Variants in KIF13B observed in about 807,000 individuals in gnomAD.
The protein encoded by KIF13B is kinesin-like protein KIF13B.
KIF13B carries 127 observed loss-of-function variants against 222.0 expected under a neutral mutation model. That is an observed-to-expected ratio of 0.57 (90% CI 0.50 to 0.66). KIF13B has a LOEUF of 0.66. KIF13B is among the 30% of genes least tolerant of loss of function. The pLI is 0.00. For synonymous variants in KIF13B, 976 were observed against 919.0 expected (o/e 1.06, Z -1.12); for missense variants, 2,173 against 2,379.0 (o/e 0.91, Z 1.80).
intron 23 of KIF13B, 32 bp downstream of exon 23, chr8:29,132,276 T>A: frequency 7.2e-7 from 1 of 1,389,774 alleles, no homozygotes; most frequent in Non-Finnish European, 9.4e-7. Flanking sequence ...TACATATATA[T>A]AAATGGAATC....
rs544083319 is a variant in KIF13B at position 29,081,737 on chromosome 8, C to T, written c.4459-6394G>A. On this transcript the variant is annotated intron_variant, in intron 37 of 39. Transcript: ENST00000524189. ...GTGGCTACTAGGAAATTGTAACTTGCATACATGGCTCGCATTATGTATCTA... is the reference window on the plus strand; with the variant it reads ...GTGGCTACTAGGAAATTGTAACTTGTATACATGGCTCGCATTATGTATCTA... Among the ~76,000 whole-genome samples the T allele has an allele frequency of 9.8e-5, 15 of 152,326 alleles. No homozygotes were observed. The South Asian group carries it at 2.5e-3, about 25-fold the overall frequency.
chr8:29,128,271 G>A (rs1276903048), intron 24 of KIF13B, among the ~76,000 whole-genome samples: 1 of 151,972 alleles, frequency 6.6e-6, no homozygotes, highest in Non-Finnish European at 1.5e-5. Flanking sequence ...CCAAATTACT[G>A]ACTTCAAACT....
chr8:29,122,625 C>A lies in KIF13B; in HGVS notation c.3501G>T (p.Glu1167Asp), dbSNP rs1160099694. 1.9e-6 allele frequency: 3 copies of A among 1,609,828 alleles called. No homozygotes were observed. The highest frequency in any genetic ancestry group is 2.5e-6 in the Non-Finnish European group (3 of 1,178,010). The change falls in exon 29 of 40, where the codon GAG becomes GAT. Residue 1167 changes from glutamate (E) to aspartate (D), a missense_variant. Physicochemically the swap from Glu to Asp is conservative, Grantham distance 45. Transcript: ENST00000524189. ...PAEWTPVPGM[E>D]THIPVIFLDL... ...CCAGGAATATAACAGGAATGTGTGT[C>A]TCCATCCCAGGTACTGGGGTCCTAA...
intron 12 of KIF13B, among the ~76,000 whole-genome samples, chr8:29,161,216 A>G (rs933633404): frequency 2.0e-5 from 3 of 152,186 alleles, no homozygotes; most frequent in Non-Finnish European, 2.9e-5. Context: ...GATCCTTCTT[A>G]AAAGCAAAGG....
chr8:29,156,558 A>C (rs546212020), intron 13 of KIF13B, among the ~76,000 whole-genome samples: 32 of 151,908 alleles, frequency 2.1e-4, no homozygotes, highest in Non-Finnish European at 4.1e-4. Flanking sequence ...TCTGTCACCC[A>C]GGCTGGAGTG....
chr8:29,080,233 G>A (rs916761181), intron 37 of KIF13B, among the ~76,000 whole-genome samples: 7 of 149,504 alleles, frequency 4.7e-5, no homozygotes, highest in African/African-American at 7.4e-5. Flanking sequence ...AACTACTTGG[G>A]AGCTGAGAAT....
intron 15 of KIF13B, among the ~76,000 whole-genome samples, chr8:29,149,244 T>C (rs1371472233): frequency 1.3e-5 from 2 of 152,210 alleles, no homozygotes; most frequent in African/African-American, 2.4e-5. Context: ...GATGAGGGTT[T>C]TGAACACAAA....
chr8:29,131,589 T>A (rs1810347333), intron 23 of KIF13B, among the ~76,000 whole-genome samples: 1 of 152,226 alleles, frequency 6.6e-6, no homozygotes, highest in Non-Finnish European at 1.5e-5. Flanking sequence ...AGTCAATCCC[T>A]TTTAATGCTT....
intron 12 of KIF13B, among the ~76,000 whole-genome samples, chr8:29,164,587 CA>C (rs1204181395): frequency 1.3e-5 from 2 of 152,116 alleles, no homozygotes; most frequent in Non-Finnish European, 2.9e-5. Context: ...CTCTTAGCTA[CA>C]AAAGAACAAA....
rs375083058 is a variant in KIF13B at position 29,070,468 on chromosome 8, G to A, written c.*36C>T. ...TCACTGGCAGGGCTCAAAAGGGGCC[G>A]GGCACCCCCAGAAAAGTTCGCCCTA... is the stretch of plus-strand genomic sequence containing the variant. On this transcript the variant is annotated 3_prime_UTR_variant, in exon 40 of 40. Transcript: ENST00000524189. The surrounding 1 kb of genome is among the most constrained non-coding windows in gnomAD (Gnocchi z 4.1). The A allele has an allele frequency of 3.6e-5, 57 of 1,602,182 alleles. No homozygotes were observed. The African/African-American group carries it at 4.1e-4, about 12-fold the overall frequency.
chr8:29,160,599 G>GTC (rs1811733241), intron 13 of KIF13B, 134 bp downstream of exon 13: 1 of 619,364 alleles, frequency 1.6e-6, no homozygotes, highest in East Asian at 3.2e-5. Flanking sequence ...AGAAAACTGA[G>GTC]TCCAGAAACC....
At chr8:29,220,690 C>A (rs1277994887) in intron 2 of KIF13B, among the ~76,000 whole-genome samples, 1 of 152,012 alleles carries the variant, frequency 6.6e-6, no homozygotes, top group African/African-American at 2.4e-5. Flanking sequence ...CAAACATACA[C>A]ACCAATGTCA....
chr8:29,201,120 A>G (rs1038400852), intron 2 of KIF13B, among the ~76,000 whole-genome samples: 4 of 152,226 alleles, frequency 2.6e-5, no homozygotes, highest in Non-Finnish European at 4.4e-5. Flanking sequence ...GCACCCACTT[A>G]TAATTCTTGC....
At chr8:29,123,982 T>A in intron 27 of KIF13B, 42 bp downstream of exon 27, 1 of 1,232,048 alleles carries the variant, frequency 8.1e-7, no homozygotes, top group Middle Eastern at 1.9e-4. Flanking sequence ...TAATTATGCA[T>A]TGATTTGCAG....
At chr8:29,256,019 G>A (rs531635448) in intron 1 of KIF13B, among the ~76,000 whole-genome samples, 55 of 152,182 alleles carry the variant, frequency 3.6e-4, no homozygotes, top group Non-Finnish European at 4.4e-4. Context: ...CAGTCCCTTC[G>A]TTTCAGACTC....
chr8:29,175,242 C>T (rs1812425661), intron 10 of KIF13B, among the ~76,000 whole-genome samples: 1 of 152,156 alleles, frequency 6.6e-6, no homozygotes, highest in African/African-American at 2.4e-5. Flanking sequence ...CACCACACCA[C>T]CTTATGAAGA....
chr8:29,142,265 T>C lies in KIF13B; in HGVS notation c.2226A>G (p.Arg742=), dbSNP rs1198147226. 2 of 1,613,724 alleles carry C rather than the reference T, an allele frequency of 1.2e-6. No homozygotes were observed. Among genetic ancestry groups the C allele is most frequent in the Non-Finnish European group, 1.7e-6 (2 of 1,179,776 alleles). ...SLLSEPAIQV[R]RKGKGKQIWS... Reference sequence around the variant, plus strand: ...AAATCTGCTTTCCTTTTCCTTTTCTTCTCACCTGGATTGCAGGCTCACTAA... The same window carrying C: ...AAATCTGCTTTCCTTTTCCTTTTCTCCTCACCTGGATTGCAGGCTCACTAA... Residue 742 remains arginine, a synonymous_variant, in exon 19 of 40, where the codon AGA becomes AGG. Transcript: ENST00000524189.
At chr8:29,246,251 C>A (rs1392707200) in intron 1 of KIF13B, among the ~76,000 whole-genome samples, 1 of 151,982 alleles carries the variant, frequency 6.6e-6, no homozygotes, top group Admixed American at 6.6e-5. Context: ...GTGGTGGGCA[C>A]CTGTAATGCC....
chr8:29,171,867 C>G (rs1293081150), intron 10 of KIF13B, among the ~76,000 whole-genome samples: 2 of 147,618 alleles, frequency 1.4e-5, no homozygotes, highest in Non-Finnish European at 3.0e-5. Flanking sequence ...AATCGATTCT[C>G]CTGCCTCAGC....
Sources: gnomAD v4.1 joint callset for allele counts (sites outside exome capture counted in the v4.1 genomes callset) on GRCh38, gnomAD v4.1.1 for gene constraint, Gnocchi (gnomAD v3.1) non-coding constraint, MANE v1.5 for transcripts, NCBI Gene and HGNC (gene_info 2026-07-23, HGNC 2026-07-21) for gene names.